The following SIN3A variants were observed in gnomAD, a reference collection of about 807,000 sequenced individuals.
SIN3A encodes paired amphipathic helix protein Sin3a.
SIN3A carries 14 observed loss-of-function variants against 146.1 expected under a neutral mutation model. That is an observed-to-expected ratio of 0.10 (90% CI 0.06 to 0.15). The LOEUF (loss-of-function observed/expected upper bound fraction) is 0.15. Ranked by LOEUF, SIN3A falls within the 10% of genes least tolerant of loss-of-function variation. The probability of loss-of-function intolerance (pLI) is 1.00; values close to 1 mark genes in which losing one functional copy is unlikely to be tolerated. For synonymous variants in SIN3A, 572 were observed against 572.0 expected (o/e 1.00, Z 0.00); for missense variants, 1,028 against 1,576.0 (o/e 0.65, Z 5.89).
At chr15:75,377,060 G>A (rs2072876689) in intron 19 of SIN3A, among the ~76,000 whole-genome samples, 1 of 152,060 alleles carries the variant, frequency 6.6e-6, no homozygotes, top group Admixed American at 6.5e-5. Context: ...CATCTGCACT[G>A]GCACCATTAA....
intron 9 of SIN3A, among the ~76,000 whole-genome samples, chr15:75,406,015 C>T (rs2073505589): frequency 6.6e-6 from 1 of 152,114 alleles, no homozygotes; most frequent in East Asian, 1.9e-4. Context: ...CTCACATAGG[C>T]ACAGCAGACA....
intron 9 of SIN3A, among the ~76,000 whole-genome samples, chr15:75,404,888 T>G (rs535592004): frequency 1.3e-5 from 2 of 152,184 alleles, no homozygotes; most frequent in Non-Finnish European, 2.9e-5. Context: ...TCTCAACACT[T>G]TGGAAGGCAA....
At chr15:75,441,380 T>C (rs916151827) in intron 1 of SIN3A, among the ~76,000 whole-genome samples, 1 of 151,968 alleles carries the variant, frequency 6.6e-6, no homozygotes, top group African/African-American at 2.4e-5. Context: ...GGCATGATCA[T>C]AGCTCATTAC....
chr15:75,394,656 C>G, intron 14 of SIN3A, 24 bp downstream of exon 14: 1 of 1,579,966 alleles, frequency 6.3e-7, no homozygotes, highest in South Asian at 1.2e-5. Context: ...AGTCCTCTCA[C>G]AGATGCAGAA....
In SIN3A at chr15:75,394,753, T is replaced by A. The variant is rs564818133; in HGVS notation, c.2204A>T (p.Asn735Ile). 6.2e-7 allele frequency: 1 copy of A among 1,614,052 alleles called. No homozygotes were observed. Among genetic ancestry groups the A allele is most frequent in the South Asian group, 1.1e-5 (1 of 91,086 alleles). ...YLKSLDHQGI[N>I]FKQNDTKVLR... The stretch of plus-strand genomic sequence containing the variant: ...GACCTTGGTGTCATTCTGTTTAAAG[T>A]TGATCCCCTGGTGGTCCAGAGACTT... The change falls in exon 14 of 21, where the codon AAC becomes ATC. Residue 735 changes from asparagine (N) to isoleucine (I), a missense_variant. Coordinates refer to ENST00000394947, the MANE Select transcript of SIN3A (RefSeq NM_001145358.2).
upstream of SIN3A, among the ~76,000 whole-genome samples, chr15:75,454,183 TA>T (rs943647215): frequency 6.6e-6 from 1 of 151,876 alleles, no homozygotes; most frequent in Non-Finnish European, 1.5e-5. Context: ...CCTAGCAACT[TA>T]AACTCCAGCC....
intron 2 of SIN3A, among the ~76,000 whole-genome samples, chr15:75,425,735 T>C (rs1161182427): frequency 6.6e-6 from 1 of 152,222 alleles, no homozygotes; most frequent in Non-Finnish European, 1.5e-5. Context: ...AAGACAACAA[T>C]CTGTCCAAAT....
At chr15:75,425,279 T>C (rs964769684) in intron 2 of SIN3A, among the ~76,000 whole-genome samples, 1 of 152,256 alleles carries the variant, frequency 6.6e-6, no homozygotes, top group South Asian at 2.1e-4. Flanking sequence ...CAAGCGATTC[T>C]CCTGCCTTAG....
Position 75,398,867 on chromosome 15 carries a change from CAG to C in SIN3A, c.1854+1171_1854+1172del, listed in dbSNP as rs746840036. Among the ~76,000 whole-genome samples, 5 of 151,794 alleles carry C rather than the reference CAG, an allele frequency of 3.3e-5. No individual in the cohort carries two copies. The East Asian group carries it at 7.8e-4, about 24-fold the overall frequency. On this transcript the variant is annotated intron_variant, in intron 12 of 20. Coordinates refer to ENST00000394947, the MANE Select transcript of SIN3A (RefSeq NM_001145358.2). ...TCTATAAAAAACAAAAAATTAGCCACAGGGGGTAGGAGGCAAGGGGAGGGAGA... is the reference window on the plus strand; with the variant it reads ...TCTATAAAAAACAAAAAATTAGCCACGGGGTAGGAGGCAAGGGGAGGGAGA...
At chr15:75,448,776 T>C (rs1008926796) in intron 1 of SIN3A, among the ~76,000 whole-genome samples, 1 of 152,162 alleles carries the variant, frequency 6.6e-6, no homozygotes, top group Non-Finnish European at 1.5e-5. Flanking sequence ...ACATCTGCCA[T>C]GCACAGCTCT....
intron 17 of SIN3A, among the ~76,000 whole-genome samples, chr15:75,382,841 G>A (rs537633218): frequency 6.6e-6 from 1 of 152,090 alleles, no homozygotes; most frequent in African/African-American, 2.4e-5. Flanking sequence ...CCAGCACTTT[G>A]GGAGGCCAAG....
At chr15:75,380,488 T>C (rs1361909753) in intron 19 of SIN3A, 141 bp downstream of exon 19, 6 of 640,494 alleles carry the variant, frequency 9.4e-6, no homozygotes, top group Middle Eastern at 2.5e-4. Context: ...GTGACAGCCA[T>C]ATAAAACCTT....
At chr15:75,430,457 T>A in intron 1 of SIN3A, 49 bp from the exon 2 acceptor site, 4 of 1,404,832 alleles carry the variant, frequency 2.8e-6, no homozygotes, top group Non-Finnish European at 3.8e-6. Flanking sequence ...CACTCCAGTA[T>A]GATGTACGCC....
intron 2 of SIN3A, among the ~76,000 whole-genome samples, chr15:75,428,512 A>C (rs181602950): frequency 2.9e-4 from 44 of 151,996 alleles, no homozygotes; most frequent in African/African-American, 9.2e-4. Context: ...TTAATTAATT[A>C]ATTCTTTCTT....
At chr15:75,409,425 C>T (rs1029083921) in intron 8 of SIN3A, among the ~76,000 whole-genome samples, 1 of 151,986 alleles carries the variant, frequency 6.6e-6, no homozygotes, top group Admixed American at 6.6e-5. Context: ...ATATCTAGGA[C>T]CCAACCGTTA....
intron 3 of SIN3A, among the ~76,000 whole-genome samples, chr15:75,417,716 C>T (rs1347733310): frequency 1.3e-5 from 2 of 152,112 alleles, no homozygotes; most frequent in Non-Finnish European, 2.9e-5. Flanking sequence ...CAAAATGGAA[C>T]ATTTACATTC....
intron 19 of SIN3A, chr15:75,376,153 CAT>C (rs2072851687): frequency 4.1e-6 from 2 of 488,938 alleles, no homozygotes; most frequent in Non-Finnish European, 3.7e-6. Flanking sequence ...TAAATTTACA[CAT>C]GTAATTACCA....
At chr15:75,409,695 C>G in intron 8 of SIN3A, 141 bp downstream of exon 8, 1 of 880,266 alleles carries the variant, frequency 1.1e-6, no homozygotes. Flanking sequence ...CCACTGCACT[C>G]CAGCTTGGGC....
intron 16 of SIN3A, among the ~76,000 whole-genome samples, chr15:75,386,379 C>A (rs986815738): frequency 6.6e-6 from 1 of 152,222 alleles, no homozygotes; most frequent in African/African-American, 2.4e-5. Flanking sequence ...CCCATACTCT[C>A]TTTTTGGATA....
Sources: gnomAD v4.1 joint callset for allele counts (sites outside exome capture counted in the v4.1 genomes callset) on GRCh38, gnomAD v4.1.1 for gene constraint, MANE v1.5 for transcripts, NCBI Gene and HGNC (gene_info 2026-07-23, HGNC 2026-07-21) for gene names.